Variants in HERC2 observed in about 807,000 individuals in gnomAD.
The protein encoded by HERC2 is E3 ubiquitin-protein ligase HERC2.
In HERC2, 102 loss-of-function variants were observed where a neutral mutation model predicts 537.7. The ratio of observed to expected loss-of-function variants is 0.19; its 90% CI spans 0.16 to 0.22. The LOEUF is 0.22. Among genes scored for constraint, HERC2 ranks in the 10% least tolerant of loss-of-function variants. The pLI is 1.00. For missense variants in HERC2, 4,236 were observed against 6,198.2 expected, an observed-to-expected ratio of 0.68 and a Z score of 10.63; for synonymous variants, 2,224 against 2,466.2, an observed-to-expected ratio of 0.90 and a Z score of 2.91.
At chr15:28,306,277 A>C (rs1040420388) in intron 2 of HERC2, among the ~76,000 whole-genome samples, 19 of 152,228 alleles carry the variant, frequency 1.2e-4, no homozygotes, top group African/African-American at 4.6e-4. Context: ...TTTTATCATG[A>C]AAGGATGTTG....
chr15:28,142,243 C>A lies in HERC2; in HGVS notation c.11695G>T (p.Asp3899Tyr). 6.2e-7 allele frequency: 1 copy of A among 1,613,992 alleles called. No individual in the cohort carries two copies. The highest frequency in any genetic ancestry group is 1.3e-5 in the African/African-American group (1 of 75,046). The stretch of plus-strand genomic sequence containing the variant: ...TCCAAAATATCATGCAATACCTCAT[C>A]AAGAAACAGACGGGGCAACGGTGTT... The part of the protein sequence containing the change: ...KRTPLPRLFL[D>Y]EVAKKIRELM... Residue 3899 changes from aspartate (D) to tyrosine (Y), a missense_variant, in exon 76 of 93, where the codon GAT becomes TAT. By Grantham distance (160) the Asp-to-Tyr change is radical. This residue lies in a region of HERC2 where 156 missense variants were observed against 172.3 expected (regional missense o/e 0.91). Transcript: ENST00000261609.
chr15:28,119,139 T>C (rs184891587), intron 86 of HERC2, among the ~76,000 whole-genome samples: 2 of 152,154 alleles, frequency 1.3e-5, no homozygotes, highest in Admixed American at 1.3e-4. Context: ...CGGTGGCTCA[T>C]GCCTACAGCA....
intron 35 of HERC2, among the ~76,000 whole-genome samples, chr15:28,223,011 A>G (rs1429097332): frequency 6.6e-6 from 1 of 152,062 alleles, no homozygotes; most frequent in Non-Finnish European, 1.5e-5. Flanking sequence ...GTGTGCCTTC[A>G]CTGTAATAAA....
At chr15:28,123,262 T>C (rs956826625) in intron 85 of HERC2, among the ~76,000 whole-genome samples, 4 of 152,182 alleles carry the variant, frequency 2.6e-5, no homozygotes, top group Non-Finnish European at 4.4e-5. Context: ...CTCCAAAACA[T>C]TGCAATTTTA....
At chr15:28,117,536 G>A (rs553586140) in intron 86 of HERC2, 10 of 520,478 alleles carry the variant, frequency 1.9e-5, no homozygotes, top group East Asian at 5.1e-5. Flanking sequence ...ATCTTGCCAC[G>A]ACCTCATGAA....
intron 65 of HERC2, among the ~76,000 whole-genome samples, chr15:28,173,403 C>T (rs201338972): frequency 5.3e-5 from 8 of 152,196 alleles, no homozygotes; most frequent in South Asian, 4.1e-4. Context: ...AATAAACTAT[C>T]GATACATGCA....
At chr15:28,187,712 T>TA (rs967142224) in intron 55 of HERC2, among the ~76,000 whole-genome samples, 4 of 152,206 alleles carry the variant, frequency 2.6e-5, no homozygotes, top group African/African-American at 4.8e-5. Flanking sequence ...TCACCCAATA[T>TA]GCTACAGTGA....
intron 5 of HERC2, 141 bp from the exon 6 acceptor site, chr15:28,275,146 C>T (rs1047268976): frequency 1.0e-5 from 5 of 481,146 alleles, no homozygotes; most frequent in African/African-American, 3.9e-5. Context: ...GTGGATTTTT[C>T]GTTTTGTTGT....
intron 35 of HERC2, among the ~76,000 whole-genome samples, chr15:28,223,415 A>AAG (rs1279598116): frequency 5.3e-5 from 8 of 152,130 alleles, no homozygotes; most frequent in African/African-American, 1.7e-4. Context: ...TCTCTCTTCC[A>AAG]AGAGAGCAAC....
At chr15:28,189,517 T>A (rs1266988996) in intron 55 of HERC2, among the ~76,000 whole-genome samples, 1 of 152,240 alleles carries the variant, frequency 6.6e-6, no homozygotes, top group East Asian at 1.9e-4. Flanking sequence ...TCTTTCATTT[T>A]TATAGTTTGC....
rs530693988 is a variant in HERC2 at position 28,214,849 on chromosome 15, G to A, written c.6211-47C>T. Reference sequence around the variant, plus strand: ...CGACAAGCATTAAAAAAAATCTGATGAGGAAACTACAGATTGTTATTTTTT... The same window carrying A: ...CGACAAGCATTAAAAAAAATCTGATAAGGAAACTACAGATTGTTATTTTTT... On this transcript the variant is annotated intron_variant, in intron 39 of 92. Coordinates refer to ENST00000261609, the MANE Select transcript of HERC2 (RefSeq NM_004667.6). 1,283 of 1,456,784 alleles carry A rather than the reference G, an allele frequency of 8.8e-4. 16 individuals are homozygous for A. In the South Asian group the frequency reaches 0.012, roughly 14 times the overall value. The allele number at this position is 1,456,784 out of a possible 1,614,324, so 90.2% of individuals were successfully genotyped here.
intron 68 of HERC2, among the ~76,000 whole-genome samples, chr15:28,165,082 G>A (rs373974195): frequency 6.6e-6 from 1 of 152,210 alleles, no homozygotes; most frequent in African/African-American, 2.4e-5. Flanking sequence ...TGTGGGGAGC[G>A]CCTCAGCGGG....
chr15:28,286,788 T>A (rs1474017327), intron 4 of HERC2, among the ~76,000 whole-genome samples: 1 of 152,178 alleles, frequency 6.6e-6, no homozygotes, highest in Non-Finnish European at 1.5e-5. Flanking sequence ...GCAAGCCCTT[T>A]TCATTAGACA....
chr15:28,279,084 C>T (rs758752584), intron 5 of HERC2, among the ~76,000 whole-genome samples: 1 of 152,146 alleles, frequency 6.6e-6, no homozygotes, highest in Non-Finnish European at 1.5e-5. Context: ...CTCCACCTCC[C>T]GGGATCAAGC....
intron 43 of HERC2, among the ~76,000 whole-genome samples, chr15:28,211,952 G>A (rs1224533006): frequency 6.6e-6 from 1 of 152,220 alleles, no homozygotes; most frequent in Non-Finnish European, 1.5e-5. Context: ...TAGAAACATG[G>A]AAACAAACTC....
intron 3 of HERC2, among the ~76,000 whole-genome samples, chr15:28,298,826 T>C (rs2076543870): frequency 6.6e-6 from 1 of 151,888 alleles, no homozygotes; most frequent in African/African-American, 2.4e-5. Context: ...AGAAATACTT[T>C]CTTCAGACTA....
intron 20 of HERC2, among the ~76,000 whole-genome samples, chr15:28,253,700 G>A (rs1452816588): frequency 4.6e-5 from 7 of 152,192 alleles, no homozygotes; most frequent in African/African-American, 1.4e-4. Flanking sequence ...AGTGGCTTAC[G>A]CCTGAAATCC....
rs753443106 is a variant in HERC2, at chr15:28,228,234, C to T, written c.5448G>A (p.Thr1816=). The T allele has an allele frequency of 4.3e-5, 70 of 1,613,528 alleles. No individual in the cohort carries two copies. In the Admixed American group the frequency reaches 8.2e-4, roughly 19 times the overall value. ...CAGACCTACCAATCAGGCGCAGTGC[C>T]GTCTGCGTGAGGGCCAGCATGCCGG... The part of the protein sequence containing the change: ...LNSGMLALTQ[T]ALRLIGPSCD... The change falls in exon 35 of 93, where the codon ACG becomes ACA. Residue 1816 remains threonine, a synonymous_variant. Coordinates refer to ENST00000261609, the MANE Select transcript of HERC2 (RefSeq NM_004667.6).
intron 86 of HERC2, among the ~76,000 whole-genome samples, chr15:28,120,952 C>G (rs1035119580): frequency 6.6e-6 from 1 of 152,194 alleles, no homozygotes; most frequent in Non-Finnish European, 1.5e-5. Flanking sequence ...GGACCCTATT[C>G]CATGGCAGGG....
Sources: allele counts gnomAD v4.1 joint callset (sites outside exome capture counted in the v4.1 genomes callset), GRCh38; gene constraint gnomAD v4.1.1; regional missense constraint gnomAD v4.1.1; transcripts MANE v1.5; gene names NCBI Gene and HGNC (gene_info 2026-07-23, HGNC 2026-07-21).